PHACTR1: variants seen among roughly 807,000 people sequenced by gnomAD.
The protein encoded by PHACTR1 is RPEL repeat containing 1.
In PHACTR1, 16 loss-of-function variants were observed where a neutral mutation model predicts 69.2. That is an observed-to-expected ratio of 0.23 (90% CI 0.16 to 0.35). The LOEUF is 0.35. PHACTR1 is among the 10% of genes least tolerant of loss of function. PHACTR1 has a pLI of 1.00. For synonymous variants in PHACTR1, 312 were observed against 284.5 expected, an observed-to-expected ratio of 1.10 and a Z score of -0.97; for missense variants, 510 against 734.7, an observed-to-expected ratio of 0.69 and a Z score of 3.54.
chr6:12,916,162 A>G (rs975487410), intron 4 of PHACTR1, among the ~76,000 whole-genome samples: 13 of 151,988 alleles, frequency 8.6e-5, no homozygotes, highest in African/African-American at 3.1e-4. Context: ...ACGAAACAAA[A>G]CCACCCTCCC....
At chr6:12,786,706 G>A (rs185306540) in intron 4 of PHACTR1, among the ~76,000 whole-genome samples, 28 of 152,324 alleles carry the variant, frequency 1.8e-4, no homozygotes, top group Admixed American at 1.6e-3. Flanking sequence ...AGCTCTTCAA[G>A]GTCCATCATC....
rs777216744 is a variant in PHACTR1, at chr6:13,210,492, G to A, written c.986+4356G>A. On this transcript the variant is annotated intron_variant, in intron 8 of 14. Coordinates refer to ENST00000332995, the MANE Select transcript of PHACTR1 (RefSeq NM_030948.6). ...AGGGTTGCCCTAGGCAGTGGGGTCC[G>A]AGCTGGTGGCATCACACACCCCTAC... Among the ~76,000 whole-genome samples the A allele has an allele frequency of 3.3e-4, 50 of 152,264 alleles. No individual in the cohort carries two copies. The Middle Eastern group carries it at 0.01, about 31-fold the overall frequency.
intron 4 of PHACTR1, among the ~76,000 whole-genome samples, chr6:12,796,924 G>A (rs1773069366): frequency 6.6e-6 from 1 of 152,058 alleles, no homozygotes; most frequent in Admixed American, 6.5e-5. Context: ...TCAGAAATGT[G>A]CTAACAAACT....
chr6:13,280,257 T>C (rs412787), intron 12 of PHACTR1: 94,498 of 152,248 alleles, frequency 0.62, 29,709 homozygotes, highest in Admixed American at 0.7. Flanking sequence ...TCTCTGTTCC[T>C]GCTCACCTCT....
At chr6:12,888,466 T>C (rs1215801382) in intron 4 of PHACTR1, among the ~76,000 whole-genome samples, 1 of 152,150 alleles carries the variant, frequency 6.6e-6, no homozygotes, top group Non-Finnish European at 1.5e-5. Flanking sequence ...AACAGAAAAG[T>C]TTTGAATGGA....
chr6:13,183,599 T>C (rs1173134896), intron 7 of PHACTR1, among the ~76,000 whole-genome samples: 1 of 151,910 alleles, frequency 6.6e-6, no homozygotes, highest in African/African-American at 2.4e-5. Flanking sequence ...AGGGCTTTGG[T>C]GCTGCACAGA....
intron 3 of PHACTR1, among the ~76,000 whole-genome samples, chr6:12,742,580 G>T (rs1430619080): frequency 1.3e-5 from 2 of 152,080 alleles, no homozygotes; most frequent in Non-Finnish European, 2.9e-5. Flanking sequence ...AATGCAGCCT[G>T]GTAGGTCTCA....
intron 4 of PHACTR1, among the ~76,000 whole-genome samples, chr6:12,858,618 C>A (rs549619498): frequency 6.6e-6 from 1 of 151,856 alleles, no homozygotes; most frequent in Non-Finnish European, 1.5e-5. Context: ...CATAGTGAGA[C>A]CCCCATCTCT....
chr6:13,238,008 G>A (rs1331323961), intron 10 of PHACTR1, among the ~76,000 whole-genome samples: 1 of 152,218 alleles, frequency 6.6e-6, no homozygotes, highest in Admixed American at 6.5e-5. Flanking sequence ...TGGATTGATT[G>A]TTAATCAGTA....
At chr6:12,735,678 C>G (rs530784370) in intron 3 of PHACTR1, among the ~76,000 whole-genome samples, 1 of 152,236 alleles carries the variant, frequency 6.6e-6, no homozygotes, top group East Asian at 1.9e-4. Context: ...ATAAGAAAAG[C>G]TAGGTATTCA....
At chr6:13,175,588 C>A (rs1165588132) in intron 6 of PHACTR1, among the ~76,000 whole-genome samples, 1 of 152,126 alleles carries the variant, frequency 6.6e-6, no homozygotes, top group Non-Finnish European at 1.5e-5. Flanking sequence ...GTTAGCAGGT[C>A]CCCCAGGAGA....
chr6:12,899,784 G>T (rs1206576673), intron 4 of PHACTR1, among the ~76,000 whole-genome samples: 7 of 152,220 alleles, frequency 4.6e-5, no homozygotes, highest in Non-Finnish European at 8.8e-5. Flanking sequence ...ATGACATTAC[G>T]ATTGATCAAG....
At chr6:13,194,353 A>G (rs1764048093) in intron 7 of PHACTR1, among the ~76,000 whole-genome samples, 1 of 151,640 alleles carries the variant, frequency 6.6e-6, no homozygotes, top group Non-Finnish European at 1.5e-5. Context: ...CAGTGAGCCA[A>G]GATCACACCA....
At chr6:13,176,336 G>T (rs1325761252) in intron 6 of PHACTR1, among the ~76,000 whole-genome samples, 3 of 152,070 alleles carry the variant, frequency 2.0e-5, no homozygotes, top group Non-Finnish European at 2.9e-5. Flanking sequence ...CTCCATTCCT[G>T]CTTTTGTGCT....
At chr6:12,933,738 T>C in intron 4 of PHACTR1, 2 of 1,612,808 alleles carry the variant, frequency 1.2e-6, no homozygotes, top group African/African-American at 1.3e-5. Flanking sequence ...AACCACGGCC[T>C]CCTGAAGACA....
At chr6:13,039,639 C>A (rs1803865378) in intron 4 of PHACTR1, among the ~76,000 whole-genome samples, 1 of 152,192 alleles carries the variant, frequency 6.6e-6, no homozygotes, top group Non-Finnish European at 1.5e-5. Flanking sequence ...CCTCACAATT[C>A]TGACTTGCAA....
chr6:13,141,472 C>G (rs1261723145), intron 5 of PHACTR1, among the ~76,000 whole-genome samples: 1 of 152,144 alleles, frequency 6.6e-6, no homozygotes, highest in Non-Finnish European at 1.5e-5. Flanking sequence ...ACATTTATTT[C>G]AAAATAAGTG....
intron 4 of PHACTR1, among the ~76,000 whole-genome samples, chr6:12,925,396 C>T: frequency 6.6e-6 from 1 of 152,188 alleles, no homozygotes; most frequent in East Asian, 1.9e-4. Flanking sequence ...AACCTAAGAA[C>T]ACTCTTTCAT....
At chr6:13,107,292 G>A (rs9473484) in intron 5 of PHACTR1, among the ~76,000 whole-genome samples, 1 of 152,068 alleles carries the variant, frequency 6.6e-6, no homozygotes, top group Non-Finnish European at 1.5e-5. Flanking sequence ...TAAAGTTTTT[G>A]GTAGAGACAG....
Sources: gnomAD v4.1 joint callset for allele counts (sites outside exome capture counted in the v4.1 genomes callset) on GRCh38, gnomAD v4.1.1 for gene constraint, MANE v1.5 for transcripts, NCBI Gene and HGNC (gene_info 2026-07-23, HGNC 2026-07-21) for gene names.